MYO5B: variants seen among roughly 807,000 people sequenced by gnomAD.
The protein encoded by MYO5B is myosin VB.
Under a neutral mutation model 229.3 loss-of-function variants are expected in MYO5B, and 143 were observed. The ratio of observed to expected loss-of-function variants is 0.62; its 90% confidence interval spans 0.54 to 0.72. MYO5B has a LOEUF of 0.72. MYO5B is among the 30% of genes least tolerant of loss of function. The pLI is 0.00. For missense variants in MYO5B, 2,321 were observed against 2,331.0 expected (o/e 1.00, Z 0.09); for synonymous variants, 918 against 885.2 (o/e 1.04, Z -0.66).
chr18:49,828,693 C>T lies in MYO5B; in HGVS notation c.5395-2070G>A, dbSNP rs567707557. Among the ~76,000 whole-genome samples the T allele has an allele frequency of 2.0e-5, 3 of 152,110 alleles. No individual in the cohort carries two copies. In the East Asian group the frequency reaches 5.8e-4, roughly 29 times the overall value. ...CTGAATAAATTTAAAAATATTAAAGCCATATGAAATATTTTTTCTGATTAG... is the reference window on the plus strand; with the variant it reads ...CTGAATAAATTTAAAAATATTAAAGTCATATGAAATATTTTTTCTGATTAG... On this transcript the variant is annotated intron_variant, in intron 39 of 39. Coordinates refer to ENST00000285039, the MANE Select transcript of MYO5B (RefSeq NM_001080467.3).
chr18:49,846,143 G>T (rs2024123283), intron 33 of MYO5B, among the ~76,000 whole-genome samples: 1 of 152,222 alleles, frequency 6.6e-6, no homozygotes, highest in African/African-American at 2.4e-5. Flanking sequence ...AGAAACTGCA[G>T]ATGATCGCAG....
chr18:50,140,979 T>C (rs7227820), intron 1 of MYO5B, among the ~76,000 whole-genome samples: 38,046 of 152,096 alleles, frequency 0.25, 5,219 homozygotes, highest in East Asian at 0.44. Context: ...ATACTGCCAA[T>C]CAGGGAAGCT....
intron 14 of MYO5B, among the ~76,000 whole-genome samples, chr18:49,952,120 A>G (rs2025436922): frequency 6.6e-6 from 1 of 152,206 alleles, no homozygotes; most frequent in African/African-American, 2.4e-5. Context: ...AATCCTCCCT[A>G]AACCCCTCAC....
chr18:49,863,350 A>G, intron 28 of MYO5B, 23 bp from the exon 29 acceptor site: 1 of 1,604,160 alleles, frequency 6.2e-7, no homozygotes, highest in South Asian at 1.1e-5. Flanking sequence ...AGATAAAAAA[A>G]TAACTCTGGT....
intron 12 of MYO5B, among the ~76,000 whole-genome samples, chr18:49,955,242 C>A (rs1354550285): frequency 6.6e-6 from 1 of 152,170 alleles, no homozygotes; most frequent in Admixed American, 6.5e-5. Flanking sequence ...GAAGGGCAGC[C>A]CCTTTCAATA....
intron 39 of MYO5B, among the ~76,000 whole-genome samples, chr18:49,832,839 C>T (rs2023939552): frequency 6.6e-6 from 1 of 152,156 alleles, no homozygotes; most frequent in African/African-American, 2.4e-5. Context: ...CAACTAGCCT[C>T]ACTAATTCAA....
At chr18:49,960,507 T>C (rs934123123) in intron 12 of MYO5B, among the ~76,000 whole-genome samples, 3 of 152,178 alleles carry the variant, frequency 2.0e-5, no homozygotes, top group South Asian at 2.1e-4. Flanking sequence ...TGCAGTAAAA[T>C]GCACCCTTTC....
At chr18:50,074,323 AT>A (rs2031027547) in intron 1 of MYO5B, among the ~76,000 whole-genome samples, 1 of 152,214 alleles carries the variant, frequency 6.6e-6, no homozygotes, top group African/African-American at 2.4e-5. Flanking sequence ...GGGAGATACA[AT>A]TCAAGGTGAG....
chr18:49,934,934 AATC>A (rs1243290711), intron 16 of MYO5B, among the ~76,000 whole-genome samples: 1 of 152,232 alleles, frequency 6.6e-6, no homozygotes, highest in Non-Finnish European at 1.5e-5. Flanking sequence ...CCGAAACAGA[AATC>A]ATGGGGAAGG....
At chr18:49,927,009 G>A (rs2025135329) in intron 17 of MYO5B, among the ~76,000 whole-genome samples, 1 of 152,006 alleles carries the variant, frequency 6.6e-6, no homozygotes, top group African/African-American at 2.4e-5. Context: ...TAGGGACTGG[G>A]GGAGAGAGAA....
intron 1 of MYO5B, among the ~76,000 whole-genome samples, chr18:50,188,345 A>C (rs2033177621): frequency 6.6e-6 from 1 of 151,992 alleles, no homozygotes; most frequent in South Asian, 2.1e-4. Context: ...CCACCAGACC[A>C]ACACTTCTAC....
chr18:49,828,739 C>A (rs2023878433), intron 39 of MYO5B, among the ~76,000 whole-genome samples: 1 of 151,884 alleles, frequency 6.6e-6, no homozygotes, highest in Non-Finnish European at 1.5e-5. Context: ...AACTATAAAT[C>A]AATAAATGAA....
intron 1 of MYO5B, among the ~76,000 whole-genome samples, chr18:50,077,020 C>A (rs1207427185): frequency 6.6e-6 from 1 of 151,632 alleles, no homozygotes; most frequent in Non-Finnish European, 1.5e-5. Context: ...TTTATGCCTG[C>A]AAAGATGTCA....
At chr18:49,942,867 A>G (rs974397070) in intron 14 of MYO5B, among the ~76,000 whole-genome samples, 2 of 152,200 alleles carry the variant, frequency 1.3e-5, no homozygotes, top group East Asian at 1.9e-4. Flanking sequence ...ATTACTGGGT[A>G]TATACCCAAA....
chr18:49,942,034 A>G (rs1055998116), intron 14 of MYO5B, among the ~76,000 whole-genome samples: 3 of 108,160 alleles, frequency 2.8e-5, no homozygotes, highest in Admixed American at 8.9e-5. Flanking sequence ...ATAATGCTGC[A>G]TATCTACAAC....
intron 17 of MYO5B, among the ~76,000 whole-genome samples, chr18:49,916,941 G>C (rs1381029839): frequency 2.0e-5 from 3 of 152,150 alleles, no homozygotes; most frequent in Non-Finnish European, 2.9e-5. Flanking sequence ...TCCAAAAATA[G>C]AACTTTTTAA....
At chr18:49,987,758 T>C (rs1021662456) in intron 7 of MYO5B, among the ~76,000 whole-genome samples, 2 of 152,134 alleles carry the variant, frequency 1.3e-5, no homozygotes, top group Non-Finnish European at 2.9e-5. Context: ...ATTTACTTCT[T>C]ATCCCCTAAA....
chr18:49,981,467 A>C (rs2025813722), intron 8 of MYO5B, among the ~76,000 whole-genome samples: 1 of 152,248 alleles, frequency 6.6e-6, no homozygotes, highest in Non-Finnish European at 1.5e-5. Context: ...GATAATCTAC[A>C]AAGTGGACAA....
intron 17 of MYO5B, among the ~76,000 whole-genome samples, chr18:49,924,202 T>C (rs1167408901): frequency 6.6e-6 from 1 of 152,320 alleles, no homozygotes; most frequent in East Asian, 1.9e-4. Flanking sequence ...AGTTCTGAGA[T>C]AGACACATTC....
Sources: gnomAD v4.1 joint callset for allele counts (sites outside exome capture counted in the v4.1 genomes callset) on GRCh38, gnomAD v4.1.1 for gene constraint, MANE v1.5 for transcripts, NCBI Gene and HGNC (gene_info 2026-07-23, HGNC 2026-07-21) for gene names.